IL21: variants seen among roughly 807,000 people sequenced by gnomAD.
IL21 encodes the protein interleukin-21.
A neutral mutation model predicts 18.4 loss-of-function variants in IL21; 3 were observed. The ratio of observed to expected loss-of-function variants is 0.16; its 90% CI spans 0.07 to 0.42. IL21 has a LOEUF of 0.42. Ranked by LOEUF, IL21 falls within the 10% of genes least tolerant of loss-of-function variation. The pLI is 0.99. For missense variants in IL21, 130 were observed against 188.4 expected (o/e 0.69, Z 1.81); for synonymous variants, 37 against 62.0 (o/e 0.60, Z 1.90).
rs1799397773 is a variant in IL21, at chr4:122,619,810, A to G, written c.204+891T>C. 3.3e-5 allele frequency among the ~76,000 whole-genome samples: 5 copies of G among 152,156 alleles called. No homozygotes were observed. The South Asian group carries it at 1.0e-3, about 32-fold the overall frequency. ...TCATTCACTTTCTAAACTTTTACAC[A>G]TAGTCATTTACGATAATTGTTTTCT... On this transcript the variant is annotated intron_variant, in intron 2 of 4. Coordinates refer to ENST00000648588, the MANE Select transcript of IL21 (RefSeq NM_021803.4).
chr4:122,617,248 A>G (rs1799349747), intron 2 of IL21, among the ~76,000 whole-genome samples: 1 of 152,222 alleles, frequency 6.6e-6, no homozygotes, highest in South Asian at 2.1e-4. Context: ...CTATTTATAA[A>G]TGTTCAATAT....
chr4:122,617,571 T>A (rs1245750628), intron 2 of IL21, among the ~76,000 whole-genome samples: 2 of 152,128 alleles, frequency 1.3e-5, no homozygotes, highest in African/African-American at 2.4e-5. Context: ...CCAGGAATGG[T>A]CAGTACCGGT....
At chr4:122,619,303 A>G (rs191366430) in intron 2 of IL21, 2 of 152,360 alleles carry the variant, frequency 1.3e-5, no homozygotes, top group East Asian at 3.9e-4. Flanking sequence ...GAGTTTGCCT[A>G]CTAGTATAGC....
Position 122,612,695 on chromosome 4 carries a change from C to A in IL21, c.*15G>T. ...TTAGAGTATGTAACATAGTGTCCAA[C>A]TGCAAGTTAGATCCTCAGGAATCTT... On this transcript the variant is annotated 3_prime_UTR_variant, in exon 5 of 5. Transcript: ENST00000648588. 6.4e-7 allele frequency: 1 copy of A among 1,569,780 alleles called. No individual in the cohort carries two copies.
intron 3 of IL21, among the ~76,000 whole-genome samples, chr4:122,613,499 G>A (rs978059811): frequency 4.5e-4 from 69 of 151,852 alleles, no homozygotes; most frequent in African/African-American, 1.4e-3. Flanking sequence ...TTACAGGCAC[G>A]CACGACCATG....
rs911696961 is a variant in IL21 at position 122,611,633 on chromosome 4, G to A, written c.*1077C>T. Among the ~76,000 whole-genome samples the A allele has an allele frequency of 1.3e-5, 2 of 152,148 alleles. No homozygotes were observed. Among genetic ancestry groups the A allele is most frequent in the Admixed American group, 6.5e-5 (1 of 15,278 alleles). ...GTCTGAAAGATTGGAATGCTTATGC[G>A]AAAGTCTGTTTTCAACTTGGACAGG... On this transcript the variant is annotated 3_prime_UTR_variant, in exon 5 of 5. Coordinates refer to ENST00000648588, the MANE Select transcript of IL21 (RefSeq NM_021803.4).
At chr4:122,617,206 A>G (rs1422809584) in intron 2 of IL21, among the ~76,000 whole-genome samples, 5 of 152,220 alleles carry the variant, frequency 3.3e-5, no homozygotes, top group Admixed American at 6.5e-5. Flanking sequence ...TGTCCTTTCC[A>G]TATGTTTGCC....
chr4:122,618,265 T>G (rs1488926734), intron 2 of IL21, among the ~76,000 whole-genome samples: 1 of 146,500 alleles, frequency 6.8e-6, no homozygotes, highest in African/African-American at 2.6e-5. Flanking sequence ...TTTTTGAAAT[T>G]TTTTACCTCC....
chr4:122,613,292 T>C (rs1380363343), intron 3 of IL21, among the ~76,000 whole-genome samples: 8 of 151,794 alleles, frequency 5.3e-5, no homozygotes, highest in Admixed American at 3.9e-4. Context: ...GGTTGTTCTG[T>C]ATTCCAACAT....
At chr4:122,617,677 C>A (rs1799357988) in intron 2 of IL21, among the ~76,000 whole-genome samples, 1 of 152,156 alleles carries the variant, frequency 6.6e-6, no homozygotes, top group Non-Finnish European at 1.5e-5. Flanking sequence ...GACACTGACG[C>A]CCATATTGAT....
chr4:122,615,148 G>A (rs1168208921), intron 3 of IL21, among the ~76,000 whole-genome samples: 4 of 152,152 alleles, frequency 2.6e-5, no homozygotes, highest in Admixed American at 6.5e-5. Flanking sequence ...CAGCTGCCAA[G>A]GACTACTAGG....
At position 122,612,943 on chromosome 4, in the gene IL21, A is replaced by G; in HGVS notation, c.361-15T>C. On this transcript the variant is annotated splice_polypyrimidine_tract_variant and intron_variant, in intron 3 of 4. Coordinates refer to ENST00000648588, the MANE Select transcript of IL21 (RefSeq NM_021803.4). The stretch of plus-strand genomic sequence containing the variant: ...GAAGGGCATGTCTAGAAATCAATGA[A>G]AAAGTAACAGTCTTCTTTAAAATTT... The G allele has an allele frequency of 2.0e-6, 3 of 1,492,200 alleles. No homozygotes were observed. Among genetic ancestry groups the G allele is most frequent in the Non-Finnish European group, 2.7e-6 (3 of 1,094,328 alleles). 92.4% of individuals were successfully genotyped at this position (1,492,200 alleles called of 1,614,324 possible). A position where few individuals can be genotyped will look rare whatever the true frequency, so the allele number is the denominator to read the frequency against.
At chr4:122,614,791 T>A (rs959119751) in intron 3 of IL21, among the ~76,000 whole-genome samples, 6 of 152,174 alleles carry the variant, frequency 3.9e-5, no homozygotes, top group Non-Finnish European at 5.9e-5. Flanking sequence ...TTCTTGGGTA[T>A]CTGCATTGCT....
In IL21 at chr4:122,610,468, A is replaced by G. The variant is rs1172599428; in HGVS notation, c.*2242T>C. Among the ~76,000 whole-genome samples the G allele has an allele frequency of 1.3e-5, 2 of 152,116 alleles. No homozygotes were observed. The highest frequency in any genetic ancestry group is 2.9e-5 in the Non-Finnish European group (2 of 68,030). ...GTGAGTGTTGCTACAAATGTTATTG[A>G]AATAATACTGAGCAACTGAACATCA... On this transcript the variant is annotated 3_prime_UTR_variant, in exon 5 of 5. Coordinates refer to ENST00000648588, the MANE Select transcript of IL21 (RefSeq NM_021803.4).
intron 2 of IL21, among the ~76,000 whole-genome samples, chr4:122,618,523 C>A (rs552779748): frequency 2.0e-4 from 30 of 152,040 alleles, no homozygotes; most frequent in Non-Finnish European, 2.1e-4. Flanking sequence ...TACCTTTGTC[C>A]TGGCTGGGTG....
chr4:122,615,671 G>A lies in IL21; in HGVS notation c.360+11C>T. ...AGTACAAATAAGAGAGATGACAAAT[G>A]ACAATCTTACTAGTCTGTGTTTCTG... On this transcript the variant is annotated intron_variant, in intron 3 of 4. Transcript: ENST00000648588. 1 of 1,607,218 alleles carries A rather than the reference G, an allele frequency of 6.2e-7. No individual in the cohort carries two copies. Among genetic ancestry groups the A allele is most frequent in the Non-Finnish European group, 8.5e-7 (1 of 1,177,180 alleles).
intron 2 of IL21, among the ~76,000 whole-genome samples, chr4:122,618,621 A>G (rs926783296): frequency 6.6e-6 from 1 of 152,006 alleles, no homozygotes; most frequent in African/African-American, 2.4e-5. Context: ...CCTGGCCAAC[A>G]TGGTGAAACC....
At chr4:122,620,564 A>T in intron 2 of IL21, 137 bp downstream of exon 2, 1 of 733,594 alleles carries the variant, frequency 1.4e-6, no homozygotes, top group Non-Finnish European at 2.2e-6. Flanking sequence ...AAATATAAAT[A>T]AATATTTCAT....
intron 3 of IL21, among the ~76,000 whole-genome samples, chr4:122,614,246 T>C (rs1174348554): frequency 6.6e-6 from 1 of 152,180 alleles, no homozygotes; most frequent in Non-Finnish European, 1.5e-5. Flanking sequence ...CTTCATGAGT[T>C]TCAAAAATAT....
Sources: gnomAD v4.1 joint callset for allele counts (sites outside exome capture counted in the v4.1 genomes callset) on GRCh38, gnomAD v4.1.1 for gene constraint, MANE v1.5 for transcripts, NCBI Gene and HGNC (gene_info 2026-07-23, HGNC 2026-07-21) for gene names.